Variants in ATP1B3 observed in about 807,000 individuals in gnomAD.
ATP1B3 encodes sodium/potassium-transporting ATPase subunit beta-3.
ATP1B3 carries 10 observed loss-of-function variants against 30.2 expected under a neutral mutation model. The ratio of observed to expected loss-of-function variants is 0.33; its 90% CI spans 0.20 to 0.56. The LOEUF (loss-of-function observed/expected upper bound fraction) is 0.56, where lower values mean the gene tolerates loss of function less well. ATP1B3 is among the 20% of genes least tolerant of loss of function. The probability of loss-of-function intolerance (pLI) is 0.90; values close to 1 mark genes in which losing one functional copy is unlikely to be tolerated. For missense variants in ATP1B3, 238 were observed against 336.7 expected, an observed-to-expected ratio of 0.71 and a Z score of 2.29; for synonymous variants, 113 against 117.0, an observed-to-expected ratio of 0.97 and a Z score of 0.22.
intron 4 of ATP1B3, among the ~76,000 whole-genome samples, chr3:141,915,284 G>A (rs1279514319): frequency 6.6e-6 from 1 of 152,216 alleles, no homozygotes; most frequent in Non-Finnish European, 1.5e-5. Flanking sequence ...TGTAGCAGGA[G>A]GTTTCATACC....
At chr3:141,888,316 C>T (rs958515664) in intron 1 of ATP1B3, among the ~76,000 whole-genome samples, 10 of 152,138 alleles carry the variant, frequency 6.6e-5, no homozygotes, top group Admixed American at 6.5e-4. Flanking sequence ...AGATGACTAT[C>T]AGGTTTCCTG....
intron 5 of ATP1B3, among the ~76,000 whole-genome samples, chr3:141,920,300 G>A (rs988527007): frequency 5.9e-5 from 9 of 152,108 alleles, no homozygotes; most frequent in African/African-American, 2.2e-4. Flanking sequence ...GTTGGGTGTG[G>A]TGGATCACTT....
At chr3:141,909,230 T>C (rs777926755) in intron 3 of ATP1B3, among the ~76,000 whole-genome samples, 23 of 152,336 alleles carry the variant, frequency 1.5e-4, no homozygotes, top group Non-Finnish European at 1.8e-4. Context: ...TTTAATAGCT[T>C]TAAAAGGTCT....
chr3:141,915,430 G>A (rs1396605005), intron 4 of ATP1B3, among the ~76,000 whole-genome samples: 2 of 152,216 alleles, frequency 1.3e-5, no homozygotes, highest in Non-Finnish European at 2.9e-5. Flanking sequence ...AAATATGTGA[G>A]TTTATTCAGT....
chr3:141,916,700 T>C, intron 5 of ATP1B3: 1 of 759,932 alleles, frequency 1.3e-6, no homozygotes, highest in South Asian at 1.7e-5. Flanking sequence ...TTTAAAGTTG[T>C]GAAAAAAAAT....
intron 3 of ATP1B3, among the ~76,000 whole-genome samples, chr3:141,913,014 G>A (rs913233128): frequency 6.6e-6 from 1 of 152,016 alleles, no homozygotes; most frequent in Admixed American, 6.5e-5. Flanking sequence ...CTATCCACTT[G>A]CCCTGGTTTA....
intron 6 of ATP1B3, among the ~76,000 whole-genome samples, chr3:141,923,578 A>G (rs1934604917): frequency 6.6e-6 from 1 of 152,246 alleles, no homozygotes; most frequent in Non-Finnish European, 1.5e-5. Flanking sequence ...AAACAAAGAC[A>G]GTAGTACAGT....
chr3:141,881,591 A>G (rs1489703805), intron 1 of ATP1B3, among the ~76,000 whole-genome samples: 2 of 152,188 alleles, frequency 1.3e-5, no homozygotes, highest in Non-Finnish European at 1.5e-5. Flanking sequence ...AATTTTTGTA[A>G]GATGGTGTTC....
Position 141,925,829 on chromosome 3 carries a change from C to T in ATP1B3, c.*128C>T. The stretch of plus-strand genomic sequence containing the variant: ...GTGTGTGGTACATGACATTGGGTTA[C>T]ATCATAACGTGCTTCCAGATCATAG... On this transcript the variant is annotated 3_prime_UTR_variant, in exon 7 of 7. Coordinates refer to ENST00000286371, the MANE Select transcript of ATP1B3 (RefSeq NM_001679.4). The T allele has an allele frequency of 8.6e-7, 1 of 1,159,414 alleles. No homozygotes were observed. The highest frequency in any genetic ancestry group is 1.2e-6 in the Non-Finnish European group (1 of 821,666). The allele number at this position is 1,159,414 out of a possible 1,614,324, so 71.8% of individuals were successfully genotyped here.
intron 5 of ATP1B3, chr3:141,918,791 CT>C: frequency 6.6e-6 from 1 of 152,214 alleles, no homozygotes; most frequent in South Asian, 2.1e-4. Context: ...GTATCCTTTG[CT>C]TCTAGAATAG....
At chr3:141,887,948 GTGATGATAAGTGTTC>G in intron 1 of ATP1B3, among the ~76,000 whole-genome samples, 1 of 152,326 alleles carries the variant, frequency 6.6e-6, no homozygotes, top group East Asian at 1.9e-4. Context: ...AACTTTCAGG[GTGATGATAAGTGTTC>G]TGTATCTTGA....
At chr3:141,898,811 C>G (rs545966507) in intron 1 of ATP1B3, among the ~76,000 whole-genome samples, 1 of 152,080 alleles carries the variant, frequency 6.6e-6, no homozygotes, top group South Asian at 2.1e-4. Context: ...TTCATAATGG[C>G]CAAAAGATAT....
intron 1 of ATP1B3, among the ~76,000 whole-genome samples, chr3:141,887,550 C>T (rs1267793018): frequency 6.6e-6 from 1 of 152,182 alleles, no homozygotes; most frequent in African/African-American, 2.4e-5. Flanking sequence ...AGCAGTTCTA[C>T]TCTTAGGTGT....
intron 5 of ATP1B3, among the ~76,000 whole-genome samples, chr3:141,917,940 TG>T (rs1934498010): frequency 1.3e-5 from 2 of 151,802 alleles, no homozygotes; most frequent in Admixed American, 1.3e-4. Flanking sequence ...GCTAATTTTT[TG>T]TATTTTTTAG....
intron 5 of ATP1B3, chr3:141,918,223 G>A (rs1437140539): frequency 6.6e-6 from 1 of 152,222 alleles, no homozygotes; most frequent in Non-Finnish European, 1.5e-5. Flanking sequence ...CTGGTAGAAA[G>A]TTCTTGGGGC....
intron 5 of ATP1B3, 32 bp from the exon 6 acceptor site, chr3:141,921,945 C>T (rs1300701908): frequency 1.3e-5 from 17 of 1,263,800 alleles, no homozygotes; most frequent in Non-Finnish European, 1.8e-5. Context: ...TTTTTGTGAC[C>T]TAAAGAGGAT....
chr3:141,908,369 C>T (rs61703695), intron 3 of ATP1B3, among the ~76,000 whole-genome samples: 3,772 of 152,182 alleles, frequency 0.025, 178 homozygotes, highest in African/African-American at 0.086. Context: ...ATGATCAGCT[C>T]ATCTCTTCCT....
At chr3:141,896,854 A>G (rs1405829665) in intron 1 of ATP1B3, among the ~76,000 whole-genome samples, 1 of 151,984 alleles carries the variant, frequency 6.6e-6, no homozygotes, top group Non-Finnish European at 1.5e-5. Context: ...TGAGTTTGGT[A>G]CTTTTCTTTA....
intron 1 of ATP1B3, among the ~76,000 whole-genome samples, chr3:141,897,789 A>T (rs1216491729): frequency 1.3e-5 from 2 of 152,180 alleles, no homozygotes; most frequent in South Asian, 2.1e-4. Flanking sequence ...GGCTCACTGC[A>T]ACCTCTGCCT....
Sources: gnomAD v4.1 joint callset for allele counts (sites outside exome capture counted in the v4.1 genomes callset) on GRCh38, gnomAD v4.1.1 for gene constraint, MANE v1.5 for transcripts, NCBI Gene and HGNC (gene_info 2026-07-23, HGNC 2026-07-21) for gene names.